The following CPSF1 variants were observed in gnomAD, a reference collection of about 807,000 sequenced individuals.
CPSF1 encodes the protein cleavage and polyadenylation specific factor 1, also known as cleavage and polyadenylation specificity factor subunit 1.
Under a neutral mutation model 175.8 loss-of-function variants are expected in CPSF1, and 106 were observed. The ratio of observed to expected loss-of-function variants is 0.60; its 90% CI spans 0.52 to 0.71. The LOEUF (loss-of-function observed/expected upper bound fraction) is 0.71, where lower values mean the gene tolerates loss of function less well. Among genes scored for constraint, CPSF1 ranks in the 30% least tolerant of loss-of-function variants. The probability of loss-of-function intolerance (pLI) is 0.00; values close to 1 mark genes in which losing one functional copy is unlikely to be tolerated. For synonymous variants in CPSF1, 1,024 were observed against 858.3 expected, an observed-to-expected ratio of 1.19 and a Z score of -3.37; for missense variants, 1,734 against 2,022.9, an observed-to-expected ratio of 0.86 and a Z score of 2.74.
At position 144,401,260 on chromosome 8, in the gene CPSF1, T is replaced by C; in HGVS notation, c.338A>G (p.His113Arg). The change falls in exon 5 of 38, where the codon CAT becomes CGT. Residue 113 changes from histidine to arginine, a missense_variant. This residue lies in a region of CPSF1 where 122 missense variants were observed against 177.2 expected (regional missense o/e 0.69). Coordinates refer to ENST00000616140, the MANE Select transcript of CPSF1 (RefSeq NM_013291.3). ...GTGCAGTGACAGGGTCTTCAGGTCATGGGTGCCCGGGTCGTACTCCACCAC... is the reference window on the plus strand; with the variant it reads ...GTGCAGTGACAGGGTCTTCAGGTCACGGGTGCCCGGGTCGTACTCCACCAC... ...LSVVEYDPGT[H>R]DLKTLSLHYF... 6.4e-7 allele frequency: 1 copy of C among 1,553,324 alleles called. No homozygotes were observed. The highest frequency in any genetic ancestry group is 8.7e-7 in the Non-Finnish European group (1 of 1,148,380).
intron 9 of CPSF1, 31 bp downstream of exon 9, chr8:144,400,135 G>GGGGGGGGGGGCGGCCC: frequency 1.1e-6 from 1 of 896,012 alleles, no homozygotes; most frequent in Non-Finnish European, 1.6e-6. Flanking sequence ...CCGTCCCCGG[G>GGGGGGGGGGGCGGCCC]CCCCCCCCGC....
At chr8:144,404,467 G>A (rs2116898298) in intron 2 of CPSF1, among the ~76,000 whole-genome samples, 1 of 151,354 alleles carries the variant, frequency 6.6e-6, no homozygotes, top group African/African-American at 2.4e-5. Flanking sequence ...CCAGGTTCAA[G>A]CCATTCTCCT....
chr8:144,400,142 C>CCCCT, intron 9 of CPSF1, 24 bp downstream of exon 9: 1 of 1,248,286 alleles, frequency 8.0e-7, no homozygotes, highest in Non-Finnish European at 1.1e-6. Context: ...CGGGCCCCCC[C>CCCCT]CGCCCCAGCC....
intron 2 of CPSF1, among the ~76,000 whole-genome samples, chr8:144,407,373 C>T (rs1166043750): frequency 6.6e-6 from 1 of 150,714 alleles, no homozygotes; most frequent in Non-Finnish European, 1.5e-5. Flanking sequence ...GCCACTATGC[C>T]CAGCTAACTT....
At position 144,397,253 on chromosome 8, in the gene CPSF1, ACCT is replaced by A; in HGVS notation, c.2543_2545del (p.Glu848del). ...GCGGCTGCCCAGCGCCACCAGCAGCACCTCCTTGACGAGGGGCAGCTCCCCCTG... is the reference window on the plus strand; with the variant it reads ...GCGGCTGCCCAGCGCCACCAGCAGCACCTTGACGAGGGGCAGCTCCCCCTG... On this transcript the variant is annotated inframe_deletion, in exon 23 of 38. Coordinates refer to ENST00000616140, the MANE Select transcript of CPSF1 (RefSeq NM_013291.3). 6.5e-7 allele frequency: 1 copy of A among 1,550,198 alleles called. No homozygotes were observed. The highest frequency in any genetic ancestry group is 8.7e-7 in the Non-Finnish European group (1 of 1,147,608).
Position 144,400,794 on chromosome 8 carries a change from C to G in CPSF1, c.563G>C (p.Ser188Thr), listed in dbSNP as rs977332981. The change falls in exon 7 of 38, where the codon AGC becomes ACC. Residue 188 changes from serine (S) to threonine (T), a missense_variant. By Grantham distance (58) the Ser-to-Thr change is moderately conservative. Coordinates refer to ENST00000616140, the MANE Select transcript of CPSF1 (RefSeq NM_013291.3). ...GEGQRSSFLP[S>T]YIIDVRALDE... is the part of the protein sequence containing the mutation. ...TAGGGCCCGCACGTCGATGATGTAG[C>G]TGGGCAGGAAGCTGGACCTCTGCCT... The G allele has an allele frequency of 2.5e-6, 4 of 1,613,808 alleles. No homozygotes were observed. Among genetic ancestry groups the G allele is most frequent in the Non-Finnish European group, 3.4e-6 (4 of 1,179,946 alleles).
At chr8:144,405,324 A>C (rs1821436251) in intron 2 of CPSF1, among the ~76,000 whole-genome samples, 1 of 152,076 alleles carries the variant, frequency 6.6e-6, no homozygotes, top group Non-Finnish European at 1.5e-5. Flanking sequence ...TCTCATCTAA[A>C]CACCTGGGAA....
chr8:144,406,289 G>A (rs1554869074), intron 2 of CPSF1, among the ~76,000 whole-genome samples: 1 of 152,148 alleles, frequency 6.6e-6, no homozygotes, highest in African/African-American at 2.4e-5. Context: ...CTCCCCTGCT[G>A]GGCTCTTACC....
chr8:144,400,144 G>GGC, intron 9 of CPSF1, 22 bp downstream of exon 9: 1 of 1,066,934 alleles, frequency 9.4e-7, no homozygotes, highest in Non-Finnish European at 1.2e-6. Context: ...GGCCCCCCCC[G>GGC]CCCCAGCCAC....
Position 144,397,750 on chromosome 8 carries a change from C to CT in CPSF1, c.2202dup (p.Glu735ArgfsTer3), listed in dbSNP as rs782812049. ...CCCCCAGCCCCCACGCACCTAGTCT[C>CT]TGAGCCCAGGCCCTCGGCCTCCGGG... On this transcript the variant is annotated frameshift_variant, in exon 21 of 38. Coordinates refer to ENST00000616140, the MANE Select transcript of CPSF1 (RefSeq NM_013291.3). LOFTEE classifies it high-confidence loss of function. 3 of 1,603,394 alleles carry CT rather than the reference C, an allele frequency of 1.9e-6. No homozygotes were observed. Among genetic ancestry groups the CT allele is most frequent in the African/African-American group, 2.7e-5 (2 of 74,716 alleles).
chr8:144,398,076 C>A lies in CPSF1; in HGVS notation c.1951G>T (p.Val651Leu). 1 of 1,611,768 alleles carries A rather than the reference C, an allele frequency of 6.2e-7. No individual in the cohort carries two copies. Among genetic ancestry groups the A allele is most frequent in the East Asian group, 2.2e-5 (1 of 44,846 alleles). Residue 651 changes from valine to leucine, a missense_variant, in exon 20 of 38, where the codon GTG becomes TTG. Physicochemically the swap from Val to Leu is conservative, Grantham distance 32. Around this residue, in one of 10 missense-constraint regions of CPSF1, gnomAD observed 280 missense variants for 349.2 expected, o/e 0.80. Coordinates refer to ENST00000616140, the MANE Select transcript of CPSF1 (RefSeq NM_013291.3). ...ATGATGACCACATAGGGGTCGGCCA[C>A]GGCGCACTGCACGATGGGGGCGCCC... Reference protein sequence around the residue: ...DLGAPIVQCAVADPYVVIMSA... With the variant: ...DLGAPIVQCALADPYVVIMSA...
Position 144,399,219 on chromosome 8 carries a change from G to A in CPSF1, c.1393-17C>T, listed in dbSNP as rs2116860515. 1.2e-6 allele frequency: 2 copies of A among 1,611,564 alleles called. No homozygotes were observed. The highest frequency in any genetic ancestry group is 1.7e-6 in the Non-Finnish European group (2 of 1,179,504). ...GTCACACACCTGCGGCACAGCAAGAGTCAGGGGCCCGCTGGGGGCGCTGGC... is the reference window on the plus strand; with the variant it reads ...GTCACACACCTGCGGCACAGCAAGAATCAGGGGCCCGCTGGGGGCGCTGGC... On this transcript the variant is annotated splice_polypyrimidine_tract_variant and intron_variant, in intron 14 of 37. Coordinates refer to ENST00000616140, the MANE Select transcript of CPSF1 (RefSeq NM_013291.3). The surrounding 1 kb of genome is among the most constrained non-coding windows in gnomAD (Gnocchi z 6.4).
rs782065600 is a variant in CPSF1 at position 144,394,243 on chromosome 8, C to T, written c.3802G>A (p.Gly1268Ser). The T allele has an allele frequency of 3.1e-6, 5 of 1,605,458 alleles. No homozygotes were observed. The East Asian group carries it at 1.1e-4, about 36-fold the overall frequency. Reference protein sequence around the residue: ...VDFMVDNAQLGFLVSDRDRNL... With the variant: ...VDFMVDNAQLSFLVSDRDRNL... ...GGCCCTGCCCACATACCCAGAAAAC[C>T]CAGCTGGGCATTGTCCACCATGAAG... Residue 1268 changes from glycine (G) to serine (S), a missense_variant, in exon 33 of 38, where the codon GGT becomes AGT. Gly to Ser is a moderately conservative substitution (Grantham distance 56). Transcript: ENST00000616140.
In CPSF1 at chr8:144,399,552, T is replaced by C. The variant is rs200546564; in HGVS notation, c.1242+36A>G. The C allele has an allele frequency of 4.4e-5, 71 of 1,611,440 alleles. No homozygotes were observed. The Middle Eastern group carries it at 1.3e-3, about 30-fold the overall frequency. On this transcript the variant is annotated intron_variant, in intron 12 of 37. Transcript: ENST00000616140. This position sits in a 1 kb window ranked among gnomAD's most constrained non-coding sequence, Gnocchi z 6.4. The stretch of plus-strand genomic sequence containing the variant: ...GTGGCATGCCACAGCAGTGCCCACA[T>C]GAAGGGTGGTGGCCCAATGGGCCCA...
chr8:144,394,436 C>T lies in CPSF1; in HGVS notation c.3687G>A (p.Lys1229=), dbSNP rs1820572888. The part of the protein sequence containing the change: ...KNFILAADVM[K]SISLLRYQEE... The stretch of plus-strand genomic sequence containing the variant: ...CCTGGTAGCGCAGCAGCGAAATGCT[C>T]TTCATGACGTCGGCTGCCAGGATGA... The change falls in exon 32 of 38, where the codon AAG becomes AAA. Residue 1229 remains lysine (K), a synonymous_variant. Coordinates refer to ENST00000616140, the MANE Select transcript of CPSF1 (RefSeq NM_013291.3). The T allele has an allele frequency of 1.2e-6, 2 of 1,608,250 alleles. No individual in the cohort carries two copies. The highest frequency in any genetic ancestry group is 2.7e-5 in the African/African-American group (2 of 75,038).
chr8:144,395,146 G>A lies in CPSF1; in HGVS notation c.3224C>T (p.Ser1075Phe), dbSNP rs1554863210. ...RYIHPQQEAF[S>F]IQLISPVSWE... ...GCTGACCGGGGAGATGAGCTGGATGGAGAAGGCCTCCTGCTGGGGGTGGAT... is the reference window on the plus strand; with the variant it reads ...GCTGACCGGGGAGATGAGCTGGATGAAGAAGGCCTCCTGCTGGGGGTGGAT... The change falls in exon 29 of 38, where the codon TCC (serine) becomes TTC (phenylalanine). Residue 1075 changes from serine (S) to phenylalanine (F), a missense_variant. Ser to Phe is a radical substitution (Grantham distance 155). Coordinates refer to ENST00000616140, the MANE Select transcript of CPSF1 (RefSeq NM_013291.3). The A allele has an allele frequency of 6.2e-7, 1 of 1,612,674 alleles. No individual in the cohort carries two copies. Among genetic ancestry groups the A allele is most frequent in the Non-Finnish European group, 8.5e-7 (1 of 1,179,632 alleles).
rs1249472653 is a variant in CPSF1, at chr8:144,394,113, C to G, written c.3859G>C (p.Ala1287Pro). 1.2e-6 allele frequency: 2 copies of G among 1,612,650 alleles called. No individual in the cohort carries two copies. The highest frequency in any genetic ancestry group is 1.7e-6 in the Non-Finnish European group (2 of 1,179,718). ...CAGAGGGGGTGGAGGAAGCACTCAC[C>G]TTCGGGCAGGTACATGTACACCATG... ...NLMVYMYLPE[A>P]KESFGGMRLL... The change falls in exon 34 of 38, where the codon GCC becomes CCC. Residue 1287 changes from alanine (A) to proline (P), a missense_variant and splice_region_variant. Coordinates refer to ENST00000616140, the MANE Select transcript of CPSF1 (RefSeq NM_013291.3).
chr8:144,402,512 C>T (rs1263871174), intron 2 of CPSF1, among the ~76,000 whole-genome samples: 10 of 152,104 alleles, frequency 6.6e-5, no homozygotes, highest in Admixed American at 6.6e-4. Flanking sequence ...ACCATGTTGG[C>T]CAGGCTGGTC....
rs782203796 is a variant in CPSF1, at chr8:144,395,410, TGGTGG to T, written c.3096+20_3096+24del. ...GGCCCGGCCAGGCCCAGAAGGTCCC[TGGTGG>T]GGTGGGGGTGGGGGCAGACCTTAGA... is the stretch of plus-strand genomic sequence containing the variant. On this transcript the variant is annotated intron_variant, in intron 27 of 37. Transcript: ENST00000616140. 6.3e-7 allele frequency: 1 copy of T among 1,576,748 alleles called. No homozygotes were observed. The highest frequency in any genetic ancestry group is 8.7e-7 in the Non-Finnish European group (1 of 1,155,930).
Sources: gnomAD v4.1 joint callset for allele counts (sites outside exome capture counted in the v4.1 genomes callset) on GRCh38, gnomAD v4.1.1 for gene constraint, gnomAD v4.1.1 regional missense constraint, Gnocchi (gnomAD v3.1) non-coding constraint, MANE v1.5 for transcripts, NCBI Gene and HGNC (gene_info 2026-07-23, HGNC 2026-07-21) for gene names.